Variants in EVC observed in about 807,000 individuals in gnomAD.
EVC encodes EvC ciliary complex subunit 1.
In EVC, 116 loss-of-function variants were observed where a neutral mutation model predicts 118.9. That is an observed-to-expected ratio of 0.98 (90% confidence interval 0.84 to 1.14). The LOEUF (loss-of-function observed/expected upper bound fraction) is 1.14. EVC is among the 50% of genes most tolerant of loss of function. The pLI is 0.00. For missense variants in EVC, 1,401 were observed against 1,246.4 expected (o/e 1.12, Z -1.87); for synonymous variants, 619 against 534.7 (o/e 1.16, Z -2.18).
intron 7 of EVC, among the ~76,000 whole-genome samples, chr4:5,745,669 GGCATCACTCGTGAAA>G (rs1327402067): frequency 6.6e-6 from 1 of 152,196 alleles, no homozygotes; most frequent in African/African-American, 2.4e-5. Flanking sequence ...AAAGCTGCTA[GGCATCACTCGTGAAA>G]GCAAGTTTTA....
chr4:5,772,340 T>C (rs1030261632), intron 11 of EVC, among the ~76,000 whole-genome samples: 1 of 149,038 alleles, frequency 6.7e-6, no homozygotes, highest in African/African-American at 2.5e-5. Flanking sequence ...TGCAAAGAGG[T>C]ACGGGGGAGA....
intron 12 of EVC, 60 bp downstream of exon 12, chr4:5,783,824 G>C: frequency 6.8e-7 from 1 of 1,475,794 alleles, no homozygotes; most frequent in Middle Eastern, 2.1e-4. Flanking sequence ...ACGAAGAAGC[G>C]TGAGAGATCT....
Position 5,797,179 on chromosome 4 carries a change from CA to C in EVC, c.2045del (p.Gln682ArgfsTer29). On this transcript the variant is annotated frameshift_variant, in exon 14 of 21. Transcript: ENST00000264956. LOFTEE classifies it high-confidence loss of function. Reference sequence around the variant, plus strand: ...GCTGCGGGAACAGCGTGCACTGGAGCAGGGGTCCTCCCAGTGCCTGGACGAG... The same window carrying C: ...GCTGCGGGAACAGCGTGCACTGGAGCGGGGTCCTCCCAGTGCCTGGACGAG... Reference protein sequence around the residue: ...QELREQRALEQGSSQCLDEHQ... With the variant: ...QELREQRALEXGSSQCLDEHQ... 6.2e-7 allele frequency: 1 copy of C among 1,613,312 alleles called. No individual in the cohort carries two copies. Among genetic ancestry groups the C allele is most frequent in the Non-Finnish European group, 8.5e-7 (1 of 1,179,992 alleles).
chr4:5,826,020 TAAATC>T, the EVC span: 2 of 307,752 alleles, frequency 6.5e-6, no homozygotes, highest in Non-Finnish European at 1.2e-5. Context: ...CACACACACT[TAAATC>T]ACATACAGAT....
intron 11 of EVC, among the ~76,000 whole-genome samples, chr4:5,765,059 T>C (rs1368368424): frequency 8.5e-6 from 1 of 117,070 alleles, no homozygotes; most frequent in Non-Finnish European, 1.8e-5. Flanking sequence ...AATTTCTCTC[T>C]ACACACTGCT....
At chr4:5,774,751 A>G (rs1037085233) in intron 11 of EVC, among the ~76,000 whole-genome samples, 3 of 152,162 alleles carry the variant, frequency 2.0e-5, no homozygotes, top group Non-Finnish European at 4.4e-5. Context: ...GATGAGGCTC[A>G]GGGCCAGCTT....
rs1468963214 is a variant in EVC at position 5,731,728 on chromosome 4, C to G, written c.617+71C>G. On this transcript the variant is annotated intron_variant, in intron 4 of 20. Coordinates refer to ENST00000264956, the MANE Select transcript of EVC (RefSeq NM_153717.3). This position sits in a 1 kb window ranked among gnomAD's most constrained non-coding sequence, Gnocchi z 5.6. ...AGTGGGCCGGGAGTCACATCATTGT[C>G]AGAGGAGGAAACAGAGGCCCAGAGA... 5 of 1,435,818 alleles carry G rather than the reference C, an allele frequency of 3.5e-6. No homozygotes were observed. The highest frequency in any genetic ancestry group is 4.8e-6 in the Non-Finnish European group (5 of 1,038,432). The allele number at this position is 1,435,818 out of a possible 1,614,324, so 88.9% of individuals were successfully genotyped here.
At chr4:5,807,017 G>T (rs566745989) in intron 17 of EVC, among the ~76,000 whole-genome samples, 1 of 152,092 alleles carries the variant, frequency 6.6e-6, no homozygotes, top group Non-Finnish European at 1.5e-5. Context: ...CCATAGGCAC[G>T]GTTTCTAGTG....
chr4:5,720,010 G>A (rs1013414070), intron 2 of EVC, among the ~76,000 whole-genome samples: 2 of 151,980 alleles, frequency 1.3e-5, no homozygotes, highest in South Asian at 2.1e-4. Context: ...TGGGGGTGGG[G>A]GTGCTGGGCC....
Position 5,755,395 on chromosome 4 carries a change from C to G in EVC, c.1465-869C>G, listed in dbSNP as rs997643091. Among the ~76,000 whole-genome samples the G allele has an allele frequency of 2.6e-5, 4 of 151,736 alleles. No individual in the cohort carries two copies. Among genetic ancestry groups the G allele is most frequent in the African/African-American group, 9.7e-5 (4 of 41,200 alleles). On this transcript the variant is annotated intron_variant, in intron 10 of 20. Transcript: ENST00000264956. This position sits in a 1 kb window ranked among gnomAD's most constrained non-coding sequence, Gnocchi z 4.1. The stretch of plus-strand genomic sequence containing the variant: ...ATGAGCGCATGCGTGCCTGAATGAA[C>G]CAGGACATGGACAAATGGGCAAACG...
At position 5,754,574 on chromosome 4, in the gene EVC, T is replaced by C. The variant is rs1466312201; in HGVS notation, c.1464+641T>C. ...AGAGACCACCGAGCTCTGGTTTCGC[T>C]CTGCTTGCTTTCACTAGTAATGGGC... On this transcript the variant is annotated intron_variant, in intron 10 of 20. Coordinates refer to ENST00000264956, the MANE Select transcript of EVC (RefSeq NM_153717.3). The surrounding 1 kb of genome is among the most constrained non-coding windows in gnomAD (Gnocchi z 5.8). 6.6e-6 allele frequency among the ~76,000 whole-genome samples: 1 copy of C among 152,086 alleles called. No homozygotes were observed. Among genetic ancestry groups the C allele is most frequent in the Non-Finnish European group, 1.5e-5 (1 of 68,010 alleles).
rs6855085 is a variant in EVC, at chr4:5,726,548, T to C, written c.301-2759T>C. On this transcript the variant is annotated intron_variant, in intron 2 of 20. Coordinates refer to ENST00000264956, the MANE Select transcript of EVC (RefSeq NM_153717.3). ...TGTGCCACTATGCAAAGCAGCCCACTGATGAGTTTCTTCTCTTTTCTTTTT... is the reference window on the plus strand; with the variant it reads ...TGTGCCACTATGCAAAGCAGCCCACCGATGAGTTTCTTCTCTTTTCTTTTT... 4.3e-3 allele frequency among the ~76,000 whole-genome samples: 628 copies of C among 146,384 alleles called. 3 individuals are homozygous for C. The highest frequency in any genetic ancestry group is 0.015 in the African/African-American group (579 of 39,642).
In EVC at chr4:5,783,505, A is replaced by G. The variant is rs750225461; in HGVS notation, c.1564-47A>G. 140 of 1,576,618 alleles carry G rather than the reference A, an allele frequency of 8.9e-5. No homozygotes were observed. In the Middle Eastern group the frequency reaches 1.7e-3, roughly 19 times the overall value. On this transcript the variant is annotated intron_variant, in intron 11 of 20. Transcript: ENST00000264956. ...GCAGAGAGCAGCTCAGGCCCCACAC[A>G]GGGTCCTGCCGTGACCTGTAACCCC...
rs201738879 is a variant in EVC at position 5,748,133 on chromosome 4, G to A, written c.940-15G>A. On this transcript the variant is annotated splice_polypyrimidine_tract_variant and intron_variant, in intron 7 of 20. Coordinates refer to ENST00000264956, the MANE Select transcript of EVC (RefSeq NM_153717.3). ...TTTTTCACCTCACTTCTTGCTGCTT[G>A]TGCTCATTTCACAGATGGAAGCTTT... 1.1e-5 allele frequency: 18 copies of A among 1,614,040 alleles called. No individual in the cohort carries two copies. The highest frequency in any genetic ancestry group is 2.2e-5 in the East Asian group (1 of 44,890).
At chr4:5,793,833 G>A (rs1713253028) in intron 13 of EVC, 116 bp downstream of exon 13, 2 of 784,634 alleles carry the variant, frequency 2.5e-6, no homozygotes, top group East Asian at 2.7e-5. Flanking sequence ...TCCTTTGAAT[G>A]TAAATGACTT....
intron 15 of EVC, among the ~76,000 whole-genome samples, chr4:5,800,070 C>T (rs535453600): frequency 1.0e-3 from 159 of 152,348 alleles, no homozygotes; most frequent in African/African-American, 3.6e-3. Flanking sequence ...TGAGGCCGAG[C>T]GCAGTGGCTC....
At chr4:5,718,782 G>T (rs113323731) in intron 1 of EVC, among the ~76,000 whole-genome samples, 10 of 152,300 alleles carry the variant, frequency 6.6e-5, no homozygotes, top group African/African-American at 2.4e-4. Context: ...GTTCAGAATA[G>T]AAACTACTCT....
At chr4:5,800,087 G>C (rs976971774) in intron 15 of EVC, among the ~76,000 whole-genome samples, 4 of 152,262 alleles carry the variant, frequency 2.6e-5, no homozygotes, top group Non-Finnish European at 5.9e-5. Flanking sequence ...GCTCACGCCT[G>C]TAATCCCAGC....
At position 5,786,105 on chromosome 4, in the gene EVC, C is replaced by T. The variant is rs188402531; in HGVS notation, c.1776+2341C>T. 2.3e-4 allele frequency among the ~76,000 whole-genome samples: 35 copies of T among 152,328 alleles called. No homozygotes were observed. The East Asian group carries it at 5.4e-3, about 23-fold the overall frequency. On this transcript the variant is annotated intron_variant, in intron 12 of 20. Coordinates refer to ENST00000264956, the MANE Select transcript of EVC (RefSeq NM_153717.3). ...GTGTGACTTTAGCCAGTGAGCTGAC[C>T]TCTTGCAACTCTGTGATTTTACACA...
Sources: allele counts gnomAD v4.1 joint callset (sites outside exome capture counted in the v4.1 genomes callset), GRCh38; gene constraint gnomAD v4.1.1; non-coding constraint Gnocchi (gnomAD v3.1); transcripts MANE v1.5; gene names NCBI Gene and HGNC (gene_info 2026-07-23, HGNC 2026-07-21).